CNTNAP4: variants seen among roughly 807,000 people sequenced by gnomAD.
CNTNAP4 encodes the protein contactin-associated protein-like 4.
In CNTNAP4, 98 loss-of-function variants were observed where a neutral mutation model predicts 148.4. The observed-to-expected ratio is 0.66, with a 90% CI of 0.56 to 0.78. The LOEUF (loss-of-function observed/expected upper bound fraction) is 0.78, where lower values mean the gene tolerates loss of function less well. Among genes scored for constraint, CNTNAP4 ranks in the 30% least tolerant of loss-of-function variants. The pLI is 0.00. For synonymous variants in CNTNAP4, 730 were observed against 565.1 expected (o/e 1.29, Z -4.14); for missense variants, 1,935 against 1,565.6 (o/e 1.24, Z -3.98).
At chr16:76,328,583 TTAATAA>T (rs914453143) in intron 2 of CNTNAP4, among the ~76,000 whole-genome samples, 2 of 151,734 alleles carry the variant, frequency 1.3e-5, no homozygotes, top group African/African-American at 2.4e-5. Context: ...TGGACCTTAG[TTAATAA>T]TAATAATGTA....
At chr16:76,354,730 C>T (rs1018729575) in intron 2 of CNTNAP4, among the ~76,000 whole-genome samples, 1 of 152,216 alleles carries the variant, frequency 6.6e-6, no homozygotes, top group East Asian at 1.9e-4. Context: ...TTATTTTCTC[C>T]TGCAAACACG....
At chr16:76,290,311 T>G (rs1019959491) in intron 1 of CNTNAP4, among the ~76,000 whole-genome samples, 3 of 152,202 alleles carry the variant, frequency 2.0e-5, no homozygotes, top group African/African-American at 7.2e-5. Flanking sequence ...TCTCCTCTCC[T>G]GAATATCAAA....
chr16:76,347,968 C>T (rs1306633368), intron 2 of CNTNAP4, among the ~76,000 whole-genome samples: 1 of 152,048 alleles, frequency 6.6e-6, no homozygotes, highest in Non-Finnish European at 1.5e-5. Context: ...ATATTTCACA[C>T]CTGTTGTGTA....
At chr16:76,382,672 T>G (rs2016100578) in intron 3 of CNTNAP4, among the ~76,000 whole-genome samples, 3 of 152,164 alleles carry the variant, frequency 2.0e-5, no homozygotes, top group Admixed American at 1.3e-4. Context: ...CTAGTTTGGT[T>G]TATCAAAAAA....
chr16:76,353,746 G>A (rs968761639), intron 2 of CNTNAP4, among the ~76,000 whole-genome samples: 6 of 152,204 alleles, frequency 3.9e-5, no homozygotes, highest in Admixed American at 2.6e-4. Context: ...CCTGCCTGGC[G>A]TCTTCTCTTG....
intron 4 of CNTNAP4, among the ~76,000 whole-genome samples, chr16:76,428,663 T>G (rs966435711): frequency 2.0e-5 from 3 of 152,080 alleles, no homozygotes; most frequent in African/African-American, 7.2e-5. Flanking sequence ...AGTGTCCATC[T>G]CTACCATCAA....
intron 17 of CNTNAP4, among the ~76,000 whole-genome samples, chr16:76,527,713 T>C (rs1293602707): frequency 6.6e-6 from 1 of 152,196 alleles, no homozygotes; most frequent in Non-Finnish European, 1.5e-5. Context: ...GTATGGTATT[T>C]GAGATTTTTG....
chr16:76,338,602 A>G (rs1964210928), intron 2 of CNTNAP4, among the ~76,000 whole-genome samples: 1 of 151,928 alleles, frequency 6.6e-6, no homozygotes, highest in Non-Finnish European at 1.5e-5. Context: ...TGCTCATTCC[A>G]TTTCAGTCCC....
At chr16:76,481,521 CT>C (rs1278301082) in intron 12 of CNTNAP4, among the ~76,000 whole-genome samples, 1 of 151,938 alleles carries the variant, frequency 6.6e-6, no homozygotes. Context: ...CTCTATTTTT[CT>C]TTTTTTAAGT....
chr16:76,382,437 T>G (rs75668863), intron 3 of CNTNAP4, among the ~76,000 whole-genome samples: 1 of 152,082 alleles, frequency 6.6e-6, no homozygotes, highest in African/African-American at 2.4e-5. Flanking sequence ...ATGACAGCCA[T>G]TTTTTTACTT....
intron 2 of CNTNAP4, among the ~76,000 whole-genome samples, chr16:76,342,465 CTTTTTTTTTTT>C (rs397854943): frequency 2.2e-5 from 2 of 91,508 alleles, no homozygotes; most frequent in East Asian, 2.6e-4. Flanking sequence ...TTGCTAATTT[CTTTTTTTTTTT>C]TTTTTTTTTT....
intron 2 of CNTNAP4, among the ~76,000 whole-genome samples, chr16:76,321,199 A>G (rs1167924412): frequency 6.6e-6 from 1 of 152,230 alleles, no homozygotes; most frequent in South Asian, 2.1e-4. Context: ...TGATATTAAA[A>G]TCAAGCACTT....
chr16:76,303,255 C>G (rs1960165524), intron 1 of CNTNAP4, among the ~76,000 whole-genome samples: 1 of 152,094 alleles, frequency 6.6e-6, no homozygotes, highest in African/African-American at 2.4e-5. Context: ...TTTATGCACT[C>G]CCCTATTAAA....
chr16:76,540,916 T>C (rs1167055056), intron 21 of CNTNAP4, 126 bp downstream of exon 21: 1 of 609,580 alleles, frequency 1.6e-6, no homozygotes, highest in South Asian at 1.9e-5. Context: ...ATTTTGATTA[T>C]GAAGTGAGTG....
chr16:76,318,370 T>G lies in CNTNAP4; in HGVS notation c.196+1847T>G, dbSNP rs1191167904. Among the ~76,000 whole-genome samples, 3 of 152,186 alleles carry G rather than the reference T, an allele frequency of 2.0e-5. No homozygotes were observed. The East Asian group carries it at 5.8e-4, about 29-fold the overall frequency. On this transcript the variant is annotated intron_variant, in intron 2 of 23. Transcript: ENST00000611870. ...AGATCAAATCATATTTTTCATTAAT[T>G]TATATACTCATCAGGAGTCTCCATC... is the stretch of plus-strand genomic sequence containing the variant.
chr16:76,456,758 T>TAAATA (rs976755369), intron 8 of CNTNAP4, among the ~76,000 whole-genome samples: 3 of 152,036 alleles, frequency 2.0e-5, no homozygotes, highest in Non-Finnish European at 2.9e-5. Context: ...GAGCAAAAAA[T>TAAATA]AAATAAAATA....
chr16:76,478,866 T>A (rs1454292588), intron 11 of CNTNAP4, among the ~76,000 whole-genome samples: 1 of 152,172 alleles, frequency 6.6e-6, no homozygotes, highest in African/African-American at 2.4e-5. Flanking sequence ...AAATTATTGA[T>A]GAGCTTTGTG....
At chr16:76,471,493 C>T (rs1297844663) in intron 10 of CNTNAP4, among the ~76,000 whole-genome samples, 1 of 152,138 alleles carries the variant, frequency 6.6e-6, no homozygotes, top group Non-Finnish European at 1.5e-5. Flanking sequence ...GGCTTCCTTG[C>T]CTCCAGCCTC....
intron 3 of CNTNAP4, among the ~76,000 whole-genome samples, chr16:76,363,679 T>C (rs1025329042): frequency 2.0e-5 from 3 of 152,178 alleles, no homozygotes; most frequent in African/African-American, 4.8e-5. Context: ...CTGTATAGCA[T>C]ACAACAAAGT....
Sources: gnomAD v4.1 joint callset for allele counts (sites outside exome capture counted in the v4.1 genomes callset) on GRCh38, gnomAD v4.1.1 for gene constraint, MANE v1.5 for transcripts, NCBI Gene and HGNC (gene_info 2026-07-23, HGNC 2026-07-21) for gene names.